OSBPL1A: variants seen among roughly 807,000 people sequenced by gnomAD.
OSBPL1A encodes the protein oxysterol binding protein like 1A.
A neutral mutation model predicts 137.1 loss-of-function variants in OSBPL1A; 80 were observed. That is an observed-to-expected ratio of 0.58 (90% CI 0.49 to 0.70). The LOEUF (loss-of-function observed/expected upper bound fraction) is 0.70, where lower values mean the gene tolerates loss of function less well. Among genes scored for constraint, OSBPL1A ranks in the 30% least tolerant of loss-of-function variants. The pLI is 0.00. For missense variants in OSBPL1A, 970 were observed against 1,129.4 expected (o/e 0.86, Z 2.02); for synonymous variants, 365 against 389.7 (o/e 0.94, Z 0.75).
chr18:24,345,652 C>G (rs1417453700), intron 4 of OSBPL1A, among the ~76,000 whole-genome samples: 1 of 152,010 alleles, frequency 6.6e-6, no homozygotes, highest in Non-Finnish European at 1.5e-5. Context: ...TCCTGTTGCT[C>G]TCCAGCCTGG....
At chr18:24,317,883 T>A (rs1019520492) in intron 9 of OSBPL1A, among the ~76,000 whole-genome samples, 2 of 152,240 alleles carry the variant, frequency 1.3e-5, no homozygotes, top group Non-Finnish European at 2.9e-5. Flanking sequence ...TAGAAACTGT[T>A]AGGACTGGAA....
intron 19 of OSBPL1A, among the ~76,000 whole-genome samples, chr18:24,180,461 TTGTGTG>T (rs57229701): frequency 7.3e-5 from 11 of 150,252 alleles, no homozygotes; most frequent in African/African-American, 4.9e-5. Context: ...TTTTTCTATT[TTGTGTG>T]TGTGTGTGTG....
chr18:24,175,957 G>C (rs1384462678), intron 21 of OSBPL1A, among the ~76,000 whole-genome samples: 2 of 152,186 alleles, frequency 1.3e-5, no homozygotes, highest in Admixed American at 1.3e-4. Context: ...CCACATTTCT[G>C]CGGGTCAATT....
intron 7 of OSBPL1A, among the ~76,000 whole-genome samples, chr18:24,332,219 T>C (rs1472671982): frequency 6.6e-6 from 1 of 150,882 alleles, no homozygotes; most frequent in Non-Finnish European, 1.5e-5. Context: ...CTACTAAAAA[T>C]ACAAAAAAAT....
chr18:24,281,591 A>G (rs113816215), intron 14 of OSBPL1A, among the ~76,000 whole-genome samples: 185 of 150,836 alleles, frequency 1.2e-3, no homozygotes, highest in African/African-American at 4.3e-3. Context: ...GGGTTTCACA[A>G]CGTTGGCCAG....
At position 24,339,371 on chromosome 18, in the gene OSBPL1A, C is replaced by G. The variant is rs184923766; in HGVS notation, c.394+2176G>C. Among the ~76,000 whole-genome samples, 18 of 152,316 alleles carry G rather than the reference C, an allele frequency of 1.2e-4. 1 individual carries two copies. In the East Asian group the frequency reaches 3.5e-3, roughly 29 times the overall value. On this transcript the variant is annotated intron_variant, in intron 5 of 27. Transcript: ENST00000319481. ...ATTTGCCAATGATCCATTTAACACT[C>G]TATCCACAAATGTTATTATATGTGG...
intron 3 of OSBPL1A, chr18:24,367,649 A>AT (rs1055473634): frequency 6.6e-6 from 1 of 150,630 alleles, no homozygotes; most frequent in African/African-American, 2.4e-5. Context: ...TCTTGATTAA[A>AT]AAAAAAAAAA....
chr18:24,275,759 C>T (rs1376973153), intron 15 of OSBPL1A, among the ~76,000 whole-genome samples: 1 of 149,940 alleles, frequency 6.7e-6, no homozygotes, highest in Non-Finnish European at 1.5e-5. Flanking sequence ...GACGGAGTCT[C>T]ACTCCGTTGC....
chr18:24,314,321 G>C lies in OSBPL1A; in HGVS notation c.897C>G (p.Phe299Leu), dbSNP rs1268715595. The C allele has an allele frequency of 1.9e-6, 3 of 1,610,688 alleles. No homozygotes were observed. The highest frequency in any genetic ancestry group is 1.7e-5 in the Admixed American group (1 of 59,292). Residue 299 changes from phenylalanine (F) to leucine (L), a missense_variant, in exon 12 of 28, where the codon TTC (phenylalanine) becomes TTG (leucine). Phe to Leu is a conservative substitution (Grantham distance 22, BLOSUM62 0). Around this residue, in one of 2 missense-constraint regions of OSBPL1A, gnomAD observed 647 missense variants for 672.6 expected, o/e 0.96. Coordinates refer to ENST00000319481, the MANE Select transcript of OSBPL1A (RefSeq NM_080597.4). Reference sequence around the variant, plus strand: ...TGGTGTCATCAAAGCATTTAATAAAGAAGAGGCAGCTATCAGTGGATTTTA... The same window carrying C: ...TGGTGTCATCAAAGCATTTAATAAACAAGAGGCAGCTATCAGTGGATTTTA... ...CTVKSTDSCLFFIKCFDDTIH... is the reference protein window; with the variant it reads ...CTVKSTDSCLLFIKCFDDTIH...
chr18:24,321,534 C>T (rs371328366), intron 7 of OSBPL1A: 2 of 379,840 alleles, frequency 5.3e-6, no homozygotes, highest in South Asian at 4.1e-5. Context: ...AGCGATCTGC[C>T]AGCCTCAGCA....
chr18:24,195,903 GTT>G (rs149865674), intron 18 of OSBPL1A: 9,874 of 481,766 alleles, frequency 0.02, 126 homozygotes, highest in South Asian at 0.054. Flanking sequence ...TTCAGTTTCT[GTT>G]TGTTTTTTTT....
chr18:24,317,003 G>A, intron 11 of OSBPL1A, 146 bp downstream of exon 11: 1 of 707,288 alleles, frequency 1.4e-6, no homozygotes, highest in Non-Finnish European at 2.2e-6. Flanking sequence ...GACTTTACTT[G>A]TTATCAAATT....
At chr18:24,272,766 G>T (rs1230875997) in intron 15 of OSBPL1A, among the ~76,000 whole-genome samples, 1 of 152,144 alleles carries the variant, frequency 6.6e-6, no homozygotes, top group Non-Finnish European at 1.5e-5. Flanking sequence ...AAGTCCCATT[G>T]AAGTTGGTGG....
Position 24,181,292 on chromosome 18 carries a change from A to C in OSBPL1A, c.1678-13T>G, listed in dbSNP as rs1196278278. On this transcript the variant is annotated splice_polypyrimidine_tract_variant and intron_variant, in intron 18 of 27. Transcript: ENST00000319481. Reference sequence around the variant, plus strand: ...TCTTGGATAGTTCCTATTTAACCAGAAAATTGAAAGTGTTATGTCCCATAT... The same window carrying C: ...TCTTGGATAGTTCCTATTTAACCAGCAAATTGAAAGTGTTATGTCCCATAT... The C allele has an allele frequency of 6.2e-7, 1 of 1,613,578 alleles. No individual in the cohort carries two copies. The highest frequency in any genetic ancestry group is 1.7e-5 in the Admixed American group (1 of 59,972).
intron 4 of OSBPL1A, among the ~76,000 whole-genome samples, chr18:24,355,094 C>T (rs147670985): frequency 3.9e-5 from 6 of 152,184 alleles, no homozygotes; most frequent in Non-Finnish European, 8.8e-5. Context: ...GGAGCTTCTC[C>T]GTGAGGCTGT....
At chr18:24,166,497 T>A in intron 26 of OSBPL1A, 82 bp downstream of exon 26, 1 of 1,501,684 alleles carries the variant, frequency 6.7e-7, no homozygotes, top group Non-Finnish European at 8.9e-7. Flanking sequence ...ACCCCAATGA[T>A]GCTAACAATC....
Position 24,170,537 on chromosome 18 carries a change from C to T in OSBPL1A, c.2292-84G>A, listed in dbSNP as rs1457577817. 4 of 1,526,832 alleles carry T rather than the reference C, an allele frequency of 2.6e-6. No homozygotes were observed. The African/African-American group carries it at 5.5e-5, about 21-fold the overall frequency. 94.6% of individuals were successfully genotyped at this position (1,526,832 alleles called of 1,614,324 possible). ...AGCACCTGGTATTCCCAGGCGGTCTCCCATCCGAGTACTAACCAGGCCTGA... is the reference window on the plus strand; with the variant it reads ...AGCACCTGGTATTCCCAGGCGGTCTTCCATCCGAGTACTAACCAGGCCTGA... On this transcript the variant is annotated intron_variant, in intron 23 of 27. Transcript: ENST00000319481.
At chr18:24,394,786 C>T (rs1004161307) in intron 1 of OSBPL1A, among the ~76,000 whole-genome samples, 37 of 151,878 alleles carry the variant, frequency 2.4e-4, no homozygotes, top group African/African-American at 8.7e-4. Context: ...GGTTACTTTC[C>T]ATTGTCACAT....
At chr18:24,259,763 T>C (rs912328080) in intron 15 of OSBPL1A, among the ~76,000 whole-genome samples, 5 of 152,304 alleles carry the variant, frequency 3.3e-5, no homozygotes, top group South Asian at 2.1e-4. Context: ...TATTCTGATA[T>C]GGCTTTTGGA....
Sources: gnomAD v4.1 joint callset for allele counts (sites outside exome capture counted in the v4.1 genomes callset) on GRCh38, gnomAD v4.1.1 for gene constraint, gnomAD v4.1.1 regional missense constraint, MANE v1.5 for transcripts, NCBI Gene and HGNC (gene_info 2026-07-23, HGNC 2026-07-21) for gene names.